The following LDLRAD3 variants were observed in gnomAD, a reference collection of about 807,000 sequenced individuals.
The protein encoded by LDLRAD3 is low density lipoprotein receptor class A domain containing 3.
LDLRAD3 carries 20 observed loss-of-function variants against 29.4 expected under a neutral mutation model. That is an observed-to-expected ratio of 0.68 (90% confidence interval 0.48 to 0.99). The LOEUF is 0.99. Among genes scored for constraint, LDLRAD3 ranks in the 50% least tolerant of loss-of-function variants. The pLI, the probability that LDLRAD3 is intolerant of heterozygous loss-of-function variation, is 0.00. For missense variants in LDLRAD3, 420 were observed against 454.3 expected (o/e 0.92, Z 0.69); for synonymous variants, 157 against 192.7 (o/e 0.81, Z 1.53).
At chr11:36,086,955 A>G (rs780546753) in intron 3 of LDLRAD3, among the ~76,000 whole-genome samples, 28 of 152,224 alleles carry the variant, frequency 1.8e-4, no homozygotes, top group Admixed American at 3.3e-4. Context: ...ACGCATCACC[A>G]TTATGAGATT....
At chr11:36,139,928 G>T (rs1000114351) in intron 4 of LDLRAD3, among the ~76,000 whole-genome samples, 3 of 152,178 alleles carry the variant, frequency 2.0e-5, no homozygotes, top group African/African-American at 7.2e-5. Flanking sequence ...GGCACTGATT[G>T]GTTCTTCTGT....
At chr11:36,145,074 T>C (rs1390590254) in intron 4 of LDLRAD3, among the ~76,000 whole-genome samples, 7 of 65,080 alleles carry the variant, frequency 1.1e-4, no homozygotes, top group Non-Finnish European at 1.7e-4. Flanking sequence ...GGAGCCCCTC[T>C]GCCCGGCCAG....
At chr11:36,228,674 C>T (rs1855532598) in intron 5 of LDLRAD3, among the ~76,000 whole-genome samples, 2 of 152,206 alleles carry the variant, frequency 1.3e-5, no homozygotes, top group South Asian at 4.1e-4. Context: ...TAAATTCATT[C>T]CTTTTAAGCC....
At chr11:36,145,995 T>A (rs918819891) in intron 4 of LDLRAD3, among the ~76,000 whole-genome samples, 30 of 121,108 alleles carry the variant, frequency 2.5e-4, no homozygotes, top group Non-Finnish European at 3.5e-4. Context: ...CACCCAAGAA[T>A]GATCAATAAA....
rs57687795 is a variant in LDLRAD3 at position 36,128,117 on chromosome 11, C to CATATAT, written c.454+29669_454+29674dup. ...CGTATTGATGGCAGAGTTGTTTTTA[C>CATATAT]ATATATATATATATATATGTATATG... On this transcript the variant is annotated intron_variant, in intron 4 of 5. Transcript: ENST00000315571. Among the ~76,000 whole-genome samples, 87 of 98,986 alleles carry CATATAT rather than the reference C, an allele frequency of 8.8e-4. 11 individuals carry two copies. The highest frequency in any genetic ancestry group is 5.9e-3 in the South Asian group (16 of 2,710). 64.9% of individuals were successfully genotyped at this position (98,986 alleles called of 152,430 possible). A position where few individuals can be genotyped will look rare whatever the true frequency, so the allele number is the denominator to read the frequency against.
intron 1 of LDLRAD3, among the ~76,000 whole-genome samples, chr11:36,006,746 T>C (rs114601861): frequency 0.017 from 2,592 of 152,364 alleles, 70 homozygotes; most frequent in African/African-American, 0.057. Context: ...AGGATGTAGA[T>C]ATTTAGCTCA....
intron 2 of LDLRAD3, among the ~76,000 whole-genome samples, chr11:36,037,044 G>A (rs1023287103): frequency 2.0e-5 from 3 of 152,194 alleles, no homozygotes; most frequent in Admixed American, 6.5e-5. Context: ...GTTTGTCTCT[G>A]CAGAGTGAGC....
intron 2 of LDLRAD3, among the ~76,000 whole-genome samples, chr11:36,070,007 C>T (rs1026232516): frequency 6.6e-6 from 1 of 152,206 alleles, no homozygotes; most frequent in Non-Finnish European, 1.5e-5. Context: ...ATGCCAGCCT[C>T]GTTCCTAGTT....
intron 1 of LDLRAD3, among the ~76,000 whole-genome samples, chr11:35,958,882 G>A (rs1237432007): frequency 3.3e-5 from 5 of 152,128 alleles, no homozygotes; most frequent in Non-Finnish European, 7.4e-5. Flanking sequence ...CTTGATTCAC[G>A]TGTGCAGACG....
intron 3 of LDLRAD3, among the ~76,000 whole-genome samples, chr11:36,096,299 G>A (rs1263727576): frequency 3.3e-5 from 5 of 152,230 alleles, no homozygotes; most frequent in African/African-American, 4.8e-5. Context: ...ACACCTCAGC[G>A]AAGCACAGGG....
At chr11:36,111,663 C>T (rs904977531) in intron 4 of LDLRAD3, among the ~76,000 whole-genome samples, 20 of 151,198 alleles carry the variant, frequency 1.3e-4, no homozygotes, top group Admixed American at 4.0e-4. Flanking sequence ...TGCAGTAGAG[C>T]GATCTCAGCT....
At chr11:36,156,518 AC>A (rs1565265600) in intron 4 of LDLRAD3, among the ~76,000 whole-genome samples, 1 of 152,216 alleles carries the variant, frequency 6.6e-6, no homozygotes, top group South Asian at 2.1e-4. Flanking sequence ...ACTGCAGTAA[AC>A]AGCAGTTTTC....
intron 2 of LDLRAD3, among the ~76,000 whole-genome samples, chr11:36,047,661 G>A (rs1472328326): frequency 1.3e-5 from 2 of 152,220 alleles, no homozygotes; most frequent in African/African-American, 4.8e-5. Flanking sequence ...AGGGTGCAAA[G>A]TGAGAAGGAC....
intron 2 of LDLRAD3, among the ~76,000 whole-genome samples, chr11:36,080,010 G>T (rs188919253): frequency 6.6e-6 from 1 of 152,342 alleles, no homozygotes; most frequent in East Asian, 1.9e-4. Flanking sequence ...GTGAAACAAA[G>T]CCACATGGGT....
chr11:36,048,899 C>T (rs1443990749), intron 2 of LDLRAD3, among the ~76,000 whole-genome samples: 1 of 152,226 alleles, frequency 6.6e-6, no homozygotes, highest in African/African-American at 2.4e-5. Flanking sequence ...TAAACCAATT[C>T]TTTTGCACAA....
chr11:36,070,137 T>C (rs1373327747), intron 2 of LDLRAD3, among the ~76,000 whole-genome samples: 1 of 152,182 alleles, frequency 6.6e-6, no homozygotes, highest in African/African-American at 2.4e-5. Context: ...CGCTTTTGAA[T>C]CCCCACACAA....
chr11:35,960,158 A>G (rs2133134415), intron 1 of LDLRAD3, among the ~76,000 whole-genome samples: 1 of 152,096 alleles, frequency 6.6e-6, no homozygotes, highest in East Asian at 1.9e-4. Flanking sequence ...GGCTTTTTTC[A>G]TTTACCTTTA....
At chr11:35,954,475 G>A (rs1851176588) in intron 1 of LDLRAD3, among the ~76,000 whole-genome samples, 1 of 152,130 alleles carries the variant, frequency 6.6e-6, no homozygotes, top group African/African-American at 2.4e-5. Flanking sequence ...TCAGTGCTTG[G>A]CATAGTATCA....
rs188502162 is a variant in LDLRAD3, at chr11:35,965,155, T to C, written c.46+21011T>C. 2.2e-3 allele frequency among the ~76,000 whole-genome samples: 328 copies of C among 152,186 alleles called. 2 individuals carry two copies. Among genetic ancestry groups the C allele is most frequent in the Admixed American group, 3.3e-3 (50 of 15,284 alleles). Reference sequence around the variant, plus strand: ...AAAAGCTTGGGCTCTTGATGTTGAGTCACCCGCTTTTATTTGATCAGATGA... The same window carrying C: ...AAAAGCTTGGGCTCTTGATGTTGAGCCACCCGCTTTTATTTGATCAGATGA... On this transcript the variant is annotated intron_variant, in intron 1 of 5. Coordinates refer to ENST00000315571, the MANE Select transcript of LDLRAD3 (RefSeq NM_174902.4).
Sources: gnomAD v4.1 joint callset for allele counts (sites outside exome capture counted in the v4.1 genomes callset) on GRCh38, gnomAD v4.1.1 for gene constraint, MANE v1.5 for transcripts, NCBI Gene and HGNC (gene_info 2026-07-23, HGNC 2026-07-21) for gene names.